DNM3: variants seen among roughly 807,000 people sequenced by gnomAD.
DNM3 encodes the protein dynamin-3.
Under a neutral mutation model 101.6 loss-of-function variants are expected in DNM3, and 47 were observed. That is an observed-to-expected ratio of 0.46 (90% confidence interval 0.37 to 0.59). The LOEUF is 0.59. Among genes scored for constraint, DNM3 ranks in the 20% least tolerant of loss-of-function variants. DNM3 has a pLI of 0.00. For missense variants in DNM3, 849 were observed against 1,085.7 expected, an observed-to-expected ratio of 0.78 and a Z score of 3.06; for synonymous variants, 385 against 387.9, an observed-to-expected ratio of 0.99 and a Z score of 0.09.
chr1:172,132,159 G>A (rs183285240), intron 14 of DNM3, among the ~76,000 whole-genome samples: 37 of 152,198 alleles, frequency 2.4e-4, no homozygotes, highest in Admixed American at 2.1e-3. Flanking sequence ...ATGTGGCCAC[G>A]AAGGGCATGT....
intron 13 of DNM3, among the ~76,000 whole-genome samples, chr1:172,095,992 G>A (rs1054856066): frequency 6.6e-6 from 1 of 152,142 alleles, no homozygotes; most frequent in Non-Finnish European, 1.5e-5. Flanking sequence ...GAAGCATGAT[G>A]ATGCATCAAT....
At chr1:171,995,096 G>GTTTT (rs35925537) in intron 4 of DNM3, among the ~76,000 whole-genome samples, 16 of 49,608 alleles carry the variant, frequency 3.2e-4, no homozygotes, top group Non-Finnish European at 4.1e-4. Flanking sequence ...TGAAATCCAG[G>GTTTT]TTTTTTTTTT....
chr1:172,405,638 A>G (rs899029435), intron 20 of DNM3, among the ~76,000 whole-genome samples: 3 of 152,022 alleles, frequency 2.0e-5, no homozygotes, highest in African/African-American at 7.2e-5. Context: ...AAATCACCTA[A>G]TTAATTCCAT....
At chr1:172,253,537 C>A in intron 14 of DNM3, 36 bp from the exon 15 acceptor site, 2 of 1,014,318 alleles carry the variant, frequency 2.0e-6, no homozygotes, top group Non-Finnish European at 2.9e-6. Flanking sequence ...CTCCTCTCCT[C>A]TCCTCTCCCT....
chr1:172,098,851 G>A (rs889010486), intron 13 of DNM3, among the ~76,000 whole-genome samples: 3 of 152,166 alleles, frequency 2.0e-5, no homozygotes, highest in Non-Finnish European at 4.4e-5. Context: ...TTTCAAGGAG[G>A]GAATAGTCAA....
At chr1:172,205,852 G>A (rs1041854563) in intron 14 of DNM3, among the ~76,000 whole-genome samples, 6 of 152,036 alleles carry the variant, frequency 3.9e-5, no homozygotes, top group Non-Finnish European at 7.4e-5. Context: ...TTAAACATTA[G>A]TTGCAATGAG....
intron 11 of DNM3, among the ~76,000 whole-genome samples, chr1:172,073,266 T>C (rs980370706): frequency 1.7e-4 from 24 of 141,118 alleles, no homozygotes; most frequent in African/African-American, 5.4e-4. Flanking sequence ...TACATATACG[T>C]ATATATGCTT....
chr1:172,305,811 G>T (rs1029454067), intron 15 of DNM3, among the ~76,000 whole-genome samples: 1 of 152,152 alleles, frequency 6.6e-6, no homozygotes, highest in Non-Finnish European at 1.5e-5. Flanking sequence ...ATGCAGAAAA[G>T]GCCTTTGACT....
At chr1:171,937,596 G>T (rs958986355) in intron 2 of DNM3, among the ~76,000 whole-genome samples, 4 of 152,088 alleles carry the variant, frequency 2.6e-5, no homozygotes, top group African/African-American at 9.7e-5. Context: ...TTGAGACACG[G>T]TCTCACTCTG....
downstream of DNM3, among the ~76,000 whole-genome samples, chr1:172,413,305 C>A (rs904872480): frequency 1.3e-5 from 2 of 152,158 alleles, no homozygotes; most frequent in African/African-American, 4.8e-5. Flanking sequence ...CGGCTCACTG[C>A]AAGCTCCGCC....
intron 13 of DNM3, among the ~76,000 whole-genome samples, chr1:172,094,142 T>C (rs529891835): frequency 6.6e-6 from 1 of 152,316 alleles, no homozygotes; most frequent in Non-Finnish European, 1.5e-5. Context: ...ATGATGCTTC[T>C]AAAAGGTGGG....
intron 7 of DNM3, among the ~76,000 whole-genome samples, chr1:172,040,264 A>G (rs1446429517): frequency 6.6e-6 from 1 of 152,196 alleles, no homozygotes; most frequent in African/African-American, 2.4e-5. Context: ...TAGCATATAC[A>G]TGAACATAAC....
chr1:171,866,758 A>G (rs1363790781), intron 1 of DNM3, among the ~76,000 whole-genome samples: 10 of 152,040 alleles, frequency 6.6e-5, no homozygotes, highest in African/African-American at 1.2e-4. Flanking sequence ...ATTATTTCAT[A>G]TGCCCCATTT....
At chr1:171,981,556 G>A (rs2044794269) in intron 2 of DNM3, among the ~76,000 whole-genome samples, 1 of 152,222 alleles carries the variant, frequency 6.6e-6, no homozygotes, top group Non-Finnish European at 1.5e-5. Context: ...CAGTTTGTCA[G>A]TTGTTTAACC....
At chr1:171,979,444 C>T (rs2044621113) in intron 2 of DNM3, among the ~76,000 whole-genome samples, 2 of 152,188 alleles carry the variant, frequency 1.3e-5, no homozygotes, top group Middle Eastern at 3.4e-3. Flanking sequence ...TAGTTTATCT[C>T]TTGATTGTGT....
chr1:171,850,307 T>G (rs1410087175), intron 1 of DNM3, among the ~76,000 whole-genome samples: 1 of 152,232 alleles, frequency 6.6e-6, no homozygotes, highest in Non-Finnish European at 1.5e-5. Context: ...ACCATCAGTT[T>G]TAGCTCTGAG....
chr1:172,095,324 C>T (rs190773328), intron 13 of DNM3, among the ~76,000 whole-genome samples: 19 of 152,280 alleles, frequency 1.2e-4, no homozygotes, highest in Admixed American at 3.9e-4. Flanking sequence ...AATCCTCTCA[C>T]ATCAGATCAG....
intron 16 of DNM3, among the ~76,000 whole-genome samples, chr1:172,319,897 A>T (rs1335865307): frequency 1.3e-5 from 2 of 152,154 alleles, no homozygotes; most frequent in East Asian, 3.8e-4. Context: ...TACCCAAAGG[A>T]GTATAAATCA....
intron 15 of DNM3, among the ~76,000 whole-genome samples, chr1:172,260,443 T>A (rs2062596895): frequency 6.6e-6 from 1 of 152,140 alleles, no homozygotes; most frequent in Non-Finnish European, 1.5e-5. Flanking sequence ...CGTTGTTTCT[T>A]GGGACACCAA....
Sources: gnomAD v4.1 joint callset for allele counts (sites outside exome capture counted in the v4.1 genomes callset) on GRCh38, gnomAD v4.1.1 for gene constraint, MANE v1.5 for transcripts, NCBI Gene and HGNC (gene_info 2026-07-23, HGNC 2026-07-21) for gene names.